PITPNC1: variants seen among roughly 807,000 people sequenced by gnomAD.
The protein encoded by PITPNC1 is cytoplasmic phosphatidylinositol transfer protein 1.
A neutral mutation model predicts 44.7 loss-of-function variants in PITPNC1; 18 were observed. That is an observed-to-expected ratio of 0.40 (90% CI 0.28 to 0.60). The LOEUF is 0.60. Ranked by LOEUF, PITPNC1 falls within the 20% of genes least tolerant of loss-of-function variation. The pLI is 0.39. For missense variants in PITPNC1, 290 were observed against 418.4 expected (o/e 0.69, Z 2.68); for synonymous variants, 141 against 149.6 (o/e 0.94, Z 0.42).
rs1187489180 is a variant in PITPNC1, at chr17:67,692,629, A to C, written c.740A>C (p.Lys247Thr). The C allele has an allele frequency of 1.2e-6, 2 of 1,613,928 alleles. No homozygotes were observed. Among genetic ancestry groups the C allele is most frequent in the African/African-American group, 2.7e-5 (2 of 75,032 alleles). ...FERATQEATN[K>T]KIGIFPPAIS... ...CGAGCCACTCAGGAAGCCACCAACAAGAAAATCGGCATTTTCCCACCTGCA... is the reference window on the plus strand; with the variant it reads ...CGAGCCACTCAGGAAGCCACCAACACGAAAATCGGCATTTTCCCACCTGCA... The change falls in exon 9 of 9, where the codon AAG (lysine) becomes ACG (threonine). Residue 247 changes from lysine (K) to threonine (T), a missense_variant. Transcript: ENST00000581322.
chr17:67,599,034 A>ATATATTT (rs1461493250), intron 5 of PITPNC1, among the ~76,000 whole-genome samples: 3 of 35,672 alleles, frequency 8.4e-5, no homozygotes, highest in African/African-American at 3.4e-4. Flanking sequence ...ATATATATAT[A>ATATATTT]TTTTTTTTTT....
intron 1 of PITPNC1, among the ~76,000 whole-genome samples, chr17:67,495,039 TG>T (rs1568013427): frequency 0.14 from 11,542 of 83,590 alleles, 1,162 homozygotes; most frequent in Middle Eastern, 0.23. Flanking sequence ...GCCATGGAGT[TG>T]TTTTTTTTTT....
intron 6 of PITPNC1, among the ~76,000 whole-genome samples, chr17:67,633,866 G>A (rs2041999828): frequency 6.6e-6 from 1 of 152,268 alleles, no homozygotes; most frequent in African/African-American, 2.4e-5. Context: ...CAGGAAAGCA[G>A]GGTTGCCAGA....
chr17:67,678,171 G>A (rs768304055), intron 8 of PITPNC1, among the ~76,000 whole-genome samples: 25 of 151,326 alleles, frequency 1.7e-4, no homozygotes, highest in Non-Finnish European at 2.7e-4. Flanking sequence ...AGCTATGATC[G>A]CAGCACTGCA....
intron 1 of PITPNC1, among the ~76,000 whole-genome samples, chr17:67,452,930 C>T (rs1248415642): frequency 1.3e-5 from 2 of 152,110 alleles, no homozygotes; most frequent in African/African-American, 2.4e-5. Flanking sequence ...TGGTATTATC[C>T]GTCTTTTGTT....
chr17:67,522,301 C>T (rs1380809133), intron 1 of PITPNC1, among the ~76,000 whole-genome samples: 2 of 151,880 alleles, frequency 1.3e-5, no homozygotes, highest in African/African-American at 4.8e-5. Context: ...GAAACTCCAT[C>T]CCCCACCACC....
chr17:67,475,234 G>A (rs981721401), intron 1 of PITPNC1, among the ~76,000 whole-genome samples: 2 of 152,122 alleles, frequency 1.3e-5, no homozygotes, highest in Admixed American at 6.6e-5. Context: ...CTTTCTGCGC[G>A]GTTTCTGTGT....
intron 1 of PITPNC1, among the ~76,000 whole-genome samples, chr17:67,517,245 C>G (rs1392505870): frequency 6.6e-6 from 1 of 152,204 alleles, no homozygotes; most frequent in Non-Finnish European, 1.5e-5. Context: ...TTATTGCTTT[C>G]TTATTGCTTA....
chr17:67,521,835 A>T (rs2040329082), intron 1 of PITPNC1, among the ~76,000 whole-genome samples: 1 of 152,170 alleles, frequency 6.6e-6, no homozygotes, highest in Non-Finnish European at 1.5e-5. Flanking sequence ...TGTTCATGTG[A>T]CATTCATGTT....
intron 6 of PITPNC1, among the ~76,000 whole-genome samples, chr17:67,643,505 T>C (rs1247620864): frequency 6.6e-6 from 1 of 152,170 alleles, no homozygotes; most frequent in African/African-American, 2.4e-5. Flanking sequence ...GGAGAAACAG[T>C]TGGGCTTTTC....
chr17:67,417,131 TA>T (rs914538544), intron 1 of PITPNC1, among the ~76,000 whole-genome samples: 18 of 150,616 alleles, frequency 1.2e-4, no homozygotes, highest in African/African-American at 4.2e-4. Flanking sequence ...AGCATTCTCT[TA>T]AAAAAAATTT....
chr17:67,530,327 G>A (rs1048107072), intron 1 of PITPNC1, among the ~76,000 whole-genome samples: 2 of 151,896 alleles, frequency 1.3e-5, no homozygotes, highest in African/African-American at 4.8e-5. Flanking sequence ...TCCTGACCTT[G>A]TGATCTGCCC....
chr17:67,645,543 A>C (rs189626608), intron 6 of PITPNC1, among the ~76,000 whole-genome samples: 27 of 152,074 alleles, frequency 1.8e-4, no homozygotes, highest in African/African-American at 6.5e-4. Flanking sequence ...TACTGAGGTC[A>C]AGGTTTTAAA....
chr17:67,545,108 T>A (rs2040660007), intron 2 of PITPNC1, among the ~76,000 whole-genome samples: 2 of 152,052 alleles, frequency 1.3e-5, no homozygotes, highest in Admixed American at 1.3e-4. Flanking sequence ...GGCCAGGAGT[T>A]CGAGACAAGC....
At chr17:67,495,079 C>T (rs1217374136) in intron 1 of PITPNC1, among the ~76,000 whole-genome samples, 11 of 37,218 alleles carry the variant, frequency 3.0e-4, no homozygotes, top group African/African-American at 8.9e-4. Context: ...TTTTTTGAGA[C>T]GGAGTCTGGC....
intron 2 of PITPNC1, among the ~76,000 whole-genome samples, chr17:67,551,924 G>T (rs2144166996): frequency 6.6e-6 from 1 of 152,282 alleles, no homozygotes; most frequent in South Asian, 2.1e-4. Flanking sequence ...ACTCCTAGGA[G>T]GCAAAGGTCA....
intron 1 of PITPNC1, among the ~76,000 whole-genome samples, chr17:67,388,031 A>C (rs1404288780): frequency 6.6e-6 from 1 of 152,204 alleles, no homozygotes; most frequent in Non-Finnish European, 1.5e-5. Flanking sequence ...CACACATAGT[A>C]AATACTTGCT....
rs957557727 is a variant in PITPNC1, at chr17:67,377,605, A to G, written c.-550A>G. The G allele has an allele frequency of 2.6e-5, 4 of 152,724 alleles. No individual in the cohort carries two copies. Among genetic ancestry groups the G allele is most frequent in the Non-Finnish European group, 4.4e-5 (3 of 68,082 alleles). 9.5% of individuals were successfully genotyped at this position (152,724 alleles called of 1,614,324 possible). On this transcript the variant is annotated 5_prime_UTR_variant, in exon 1 of 9. Transcript: ENST00000581322. The stretch of plus-strand genomic sequence containing the variant: ...ATCTTGTTTACCGCCCGCGGAGAGA[A>G]GCCGATCGAGCCTTTGTCTGGAAAG...
At chr17:67,554,067 T>C (rs1367124900) in intron 4 of PITPNC1, among the ~76,000 whole-genome samples, 1 of 152,058 alleles carries the variant, frequency 6.6e-6, no homozygotes, top group African/African-American at 2.4e-5. Context: ...ACAACAGAGA[T>C]CTGGGTTGGG....
Sources: allele counts gnomAD v4.1 joint callset (sites outside exome capture counted in the v4.1 genomes callset), GRCh38; gene constraint gnomAD v4.1.1; transcripts MANE v1.5; gene names NCBI Gene and HGNC (gene_info 2026-07-23, HGNC 2026-07-21).